C3orf20: variants seen among roughly 807,000 people sequenced by gnomAD.
C3orf20 encodes family with sequence similarity 149 member C.
A neutral mutation model predicts 88.3 loss-of-function variants in C3orf20; 76 were observed. The ratio of observed to expected loss-of-function variants is 0.86; its 90% CI spans 0.72 to 1.04. C3orf20 has a LOEUF of 1.04. Ranked by LOEUF, C3orf20 falls within the 50% of genes least tolerant of loss-of-function variation. The pLI is 0.00. For synonymous variants in C3orf20, 436 were observed against 437.4 expected, an observed-to-expected ratio of 1.00 and a Z score of 0.04; for missense variants, 1,056 against 1,123.3, an observed-to-expected ratio of 0.94 and a Z score of 0.86.
At position 14,704,373 on chromosome 3, in the gene C3orf20, C is replaced by A; in HGVS notation, c.915C>A (p.Ile305=). The change falls in exon 7 of 17, where the codon ATC becomes ATA. Residue 305 remains isoleucine, a synonymous_variant. Transcript: ENST00000253697. Reference sequence around the variant, plus strand: ...GGGCCACATGGAAAGGGAGGAATATCTCCTACCCCATGATCTTACGAAACT... The same window carrying A: ...GGGCCACATGGAAAGGGAGGAATATATCCTACCCCATGATCTTACGAAACT... The part of the protein sequence containing the change: ...AERATWKGRN[I]SYPMILRNYK... 1 of 1,614,122 alleles carries A rather than the reference C, an allele frequency of 6.2e-7. No homozygotes were observed. The highest frequency in any genetic ancestry group is 1.3e-5 in the African/African-American group (1 of 75,012).
At chr3:14,685,201 A>G (rs2032330471) in intron 4 of C3orf20, among the ~76,000 whole-genome samples, 1 of 152,210 alleles carries the variant, frequency 6.6e-6, no homozygotes, top group Admixed American at 6.5e-5. Context: ...ATCTCCAATG[A>G]TAGTATTAAG....
At chr3:14,684,009 C>T (rs747234678) in intron 3 of C3orf20, among the ~76,000 whole-genome samples, 3 of 151,922 alleles carry the variant, frequency 2.0e-5, no homozygotes, top group East Asian at 1.9e-4. Flanking sequence ...CCAATAGCAT[C>T]GGTACCCAGG....
chr3:14,681,120 AG>A (rs1190600834), intron 1 of C3orf20, among the ~76,000 whole-genome samples: 16 of 152,246 alleles, frequency 1.1e-4, no homozygotes, highest in African/African-American at 3.1e-4. Flanking sequence ...GTGTTTGGAA[AG>A]GCCTCTGTGC....
chr3:14,764,251 A>C lies in C3orf20; in HGVS notation c.2495+2636A>C, dbSNP rs1575164383. Among the ~76,000 whole-genome samples the C allele has an allele frequency of 2.0e-5, 3 of 152,290 alleles. No homozygotes were observed. In the South Asian group the frequency reaches 6.2e-4, roughly 32 times the overall value. ...ATACATACAAACTAGAAACATGCAC[A>C]CAAGATGGTCTAGGTTCTTGAAAAT... On this transcript the variant is annotated intron_variant, in intron 15 of 16. Transcript: ENST00000253697.
intron 4 of C3orf20, among the ~76,000 whole-genome samples, chr3:14,684,856 G>A (rs1382486225): frequency 1.3e-5 from 2 of 152,182 alleles, no homozygotes. Flanking sequence ...TACAGCCCGA[G>A]GGAAGCTCAC....
chr3:14,700,724 C>A (rs2033225888), intron 5 of C3orf20, among the ~76,000 whole-genome samples: 1 of 152,240 alleles, frequency 6.6e-6, no homozygotes, highest in African/African-American at 2.4e-5. Context: ...AGCCTTGCCT[C>A]ATAGCTCGTA....
At position 14,772,057 on chromosome 3, in the gene C3orf20, TC is replaced by T. The variant is rs1386826319; in HGVS notation, c.2496-6del. On this transcript the variant is annotated splice_polypyrimidine_tract_variant and intron_variant, in intron 15 of 16. Transcript: ENST00000253697. The surrounding 1 kb of genome is among the most constrained non-coding windows in gnomAD (Gnocchi z 4.2). Reference sequence around the variant, plus strand: ...CCTGAGCACTGCCCCCGACCCTGCCTCCCCTGCAGTGTTCCCAACTCTGTCC... The same window carrying T: ...CCTGAGCACTGCCCCCGACCCTGCCTCCCTGCAGTGTTCCCAACTCTGTCC... The T allele has an allele frequency of 6.2e-7, 1 of 1,613,966 alleles. No homozygotes were observed. The highest frequency in any genetic ancestry group is 1.7e-5 in the Admixed American group (1 of 59,996).
intron 7 of C3orf20, among the ~76,000 whole-genome samples, chr3:14,706,928 A>G (rs563124112): frequency 1.1e-4 from 17 of 152,134 alleles, no homozygotes; most frequent in African/African-American, 4.1e-4. Flanking sequence ...GTTTTCATAG[A>G]TATTGCTGGT....
intron 6 of C3orf20, among the ~76,000 whole-genome samples, 164 bp downstream of exon 6, chr3:14,703,426 C>T (rs1452489862): frequency 1.3e-5 from 2 of 152,228 alleles, no homozygotes; most frequent in Non-Finnish European, 1.5e-5. Flanking sequence ...GCCACAGGTG[C>T]AGCATCCCTC....
chr3:14,742,786 TGTG>T (rs373784734), intron 12 of C3orf20, among the ~76,000 whole-genome samples: 35 of 152,242 alleles, frequency 2.3e-4, no homozygotes, highest in African/African-American at 7.5e-4. Flanking sequence ...GCTCTTCTTA[TGTG>T]GTGGTGGCAA....
At chr3:14,704,660 A>G (rs1559408708) in intron 7 of C3orf20, 42 bp downstream of exon 7, 2 of 1,597,242 alleles carry the variant, frequency 1.3e-6, no homozygotes, top group Non-Finnish European at 1.7e-6. Flanking sequence ...CCAGCTACTC[A>G]ACCCCAGAGA....
chr3:14,740,990 A>C (rs1269099314), intron 12 of C3orf20, among the ~76,000 whole-genome samples: 2 of 152,216 alleles, frequency 1.3e-5, no homozygotes, highest in Admixed American at 6.5e-5. Context: ...CACTGTTTTC[A>C]GCCAATCCTT....
rs148243156 is a variant in C3orf20 at position 14,726,938 on chromosome 3, A to G, written c.1604A>G (p.Tyr535Cys). The G allele has an allele frequency of 1.7e-5, 27 of 1,614,178 alleles. No homozygotes were observed. Among genetic ancestry groups the G allele is most frequent in the African/African-American group, 5.3e-5 (4 of 75,044 alleles). ...RRISNMDDKV[Y>C]KMSRALAEIK... ...ATCAGCAACATGGACGACAAGGTGT[A>G]TAAGATGAGCCGAGCCCTGGCTGAG... The change falls in exon 11 of 17, where the codon TAT (tyrosine) becomes TGT (cysteine). Residue 535 changes from tyrosine to cysteine, a missense_variant. Transcript: ENST00000253697.
intron 15 of C3orf20, among the ~76,000 whole-genome samples, chr3:14,765,903 CG>C (rs1230991048): frequency 2.0e-5 from 3 of 152,336 alleles, no homozygotes; most frequent in Non-Finnish European, 1.5e-5. Flanking sequence ...AGGGTCCCCA[CG>C]GGGGCCTCAT....
chr3:14,770,537 G>A (rs767128669), intron 15 of C3orf20, among the ~76,000 whole-genome samples: 1 of 152,062 alleles, frequency 6.6e-6, no homozygotes, highest in Non-Finnish European at 1.5e-5. Context: ...GATGGCCCCT[G>A]CCTGGACAGT....
intron 5 of C3orf20, among the ~76,000 whole-genome samples, chr3:14,695,058 T>C (rs1173996946): frequency 1.3e-5 from 2 of 152,234 alleles, no homozygotes; most frequent in South Asian, 4.1e-4. Context: ...CTCAAATTGC[T>C]GGGATTACAG....
chr3:14,700,334 C>G lies in C3orf20; in HGVS notation c.746-2796C>G, dbSNP rs58495779. Among the ~76,000 whole-genome samples the G allele has an allele frequency of 2.0e-5, 3 of 152,306 alleles. No individual in the cohort carries two copies. In the East Asian group the frequency reaches 5.8e-4, roughly 29 times the overall value. The stretch of plus-strand genomic sequence containing the variant: ...CCTTCTATTTGGCCATCTTTCCCCA[C>G]TCCTCCACCTAACTTTCATTACAAT... On this transcript the variant is annotated intron_variant, in intron 5 of 16. Transcript: ENST00000253697.
At chr3:14,685,439 CCTCT>C (rs566893132) in intron 4 of C3orf20, among the ~76,000 whole-genome samples, 2,006 of 137,168 alleles carry the variant, frequency 0.015, 18 homozygotes, top group Non-Finnish European at 0.023. Flanking sequence ...CACCCAGTGA[CCTCT>C]CTCTCTCTCT....
intron 5 of C3orf20, among the ~76,000 whole-genome samples, chr3:14,697,443 A>G (rs1380451373): frequency 2.6e-5 from 4 of 152,004 alleles, no homozygotes; most frequent in African/African-American, 7.2e-5. Context: ...TGCTTGATAA[A>G]TTCTACTGTT....
Sources: gnomAD v4.1 joint callset for allele counts (sites outside exome capture counted in the v4.1 genomes callset) on GRCh38, gnomAD v4.1.1 for gene constraint, Gnocchi (gnomAD v3.1) non-coding constraint, MANE v1.5 for transcripts, NCBI Gene and HGNC (gene_info 2026-07-23, HGNC 2026-07-21) for gene names.